The following PSD3 variants were observed in gnomAD, a reference collection of about 807,000 sequenced individuals.
The protein encoded by PSD3 is PH and SEC7 domain-containing protein 3.
A neutral mutation model predicts 105.5 loss-of-function variants in PSD3; 49 were observed. The observed-to-expected ratio is 0.46, with a 90% confidence interval of 0.37 to 0.59. The LOEUF is 0.59. Among genes scored for constraint, PSD3 ranks in the 20% least tolerant of loss-of-function variants. The pLI, the probability that PSD3 is intolerant of heterozygous loss-of-function variation, is 0.00. For missense variants in PSD3, 1,561 were observed against 1,263.8 expected, an observed-to-expected ratio of 1.24 and a Z score of -3.57; for synonymous variants, 557 against 457.8, an observed-to-expected ratio of 1.22 and a Z score of -2.77.
At chr8:18,614,407 G>A (rs1034967364) in intron 11 of PSD3, among the ~76,000 whole-genome samples, 11 of 128,758 alleles carry the variant, frequency 8.5e-5, no homozygotes, top group African/African-American at 1.5e-4. Flanking sequence ...AAATATTACC[G>A]GGAATTTTTT....
intron 1 of PSD3, among the ~76,000 whole-genome samples, chr8:19,032,255 C>T (rs1203313409): frequency 9.0e-6 from 1 of 110,694 alleles, no homozygotes; most frequent in African/African-American, 3.1e-5. Context: ...ACTTGCACTA[C>T]CCCCCAACAA....
chr8:18,621,243 A>G (rs1806089042), intron 11 of PSD3, among the ~76,000 whole-genome samples: 3 of 152,138 alleles, frequency 2.0e-5, no homozygotes, highest in Non-Finnish European at 2.9e-5. Context: ...CCGCTTCTCT[A>G]CTAAAAACAC....
intron 12 of PSD3, among the ~76,000 whole-genome samples, chr8:18,578,911 G>A (rs897280437): frequency 3.3e-5 from 5 of 151,948 alleles, no homozygotes; most frequent in Admixed American, 6.6e-5. Flanking sequence ...CACTATATAC[G>A]GCATCAGTGG....
intron 2 of PSD3, among the ~76,000 whole-genome samples, chr8:18,894,766 G>A (rs1274330107): frequency 2.6e-5 from 4 of 152,174 alleles, no homozygotes; most frequent in Admixed American, 6.5e-5. Context: ...TGATAATAAC[G>A]TAATGAGAAA....
At position 18,916,287 on chromosome 8, in the gene PSD3, T is replaced by A. The variant is rs568650484; in HGVS notation, c.130+19747A>T. Among the ~76,000 whole-genome samples, 438 of 120,434 alleles carry A rather than the reference T, an allele frequency of 3.6e-3. 7 individuals are homozygous for A. Among genetic ancestry groups the A allele is most frequent in the South Asian group, 0.015 (55 of 3,624 alleles). The allele number at this position is 120,434 out of a possible 152,430, so 79.0% of individuals were successfully genotyped here. ...GTGTCTATGGATTGCTGAATGGATT[T>A]AAAAAAAGTGATATATATATATATA... On this transcript the variant is annotated intron_variant, in intron 2 of 15. Transcript: ENST00000327040.
chr8:18,555,782 G>A (rs182048335), intron 15 of PSD3, among the ~76,000 whole-genome samples: 4 of 152,236 alleles, frequency 2.6e-5, no homozygotes, highest in Admixed American at 1.3e-4. Context: ...TAGTGTTGCC[G>A]AACAGCAAGA....
At chr8:18,548,383 GTTAC>G (rs1800572785) in intron 15 of PSD3, among the ~76,000 whole-genome samples, 1 of 152,122 alleles carries the variant, frequency 6.6e-6, no homozygotes, top group South Asian at 2.1e-4. Flanking sequence ...ACAGGATTGT[GTTAC>G]TTAACGTCTT....
intron 9 of PSD3, among the ~76,000 whole-genome samples, chr8:18,735,994 C>G (rs1234870926): frequency 6.6e-6 from 1 of 152,132 alleles, no homozygotes; most frequent in African/African-American, 2.4e-5. Context: ...ATATATCTAA[C>G]TACAAAAAAC....
intron 12 of PSD3, among the ~76,000 whole-genome samples, chr8:18,586,302 A>T (rs1335361952): frequency 6.6e-6 from 1 of 152,136 alleles, no homozygotes; most frequent in Non-Finnish European, 1.5e-5. Flanking sequence ...AGCTGTGCCT[A>T]GTTTTCCTTC....
chr8:18,935,003 C>A (rs1165023017), intron 2 of PSD3, among the ~76,000 whole-genome samples: 1 of 152,204 alleles, frequency 6.6e-6, no homozygotes, highest in Non-Finnish European at 1.5e-5. Context: ...TTGCCTTATA[C>A]TCCTGGCTCT....
chr8:18,884,535 C>T (rs1818327290), intron 2 of PSD3, among the ~76,000 whole-genome samples: 1 of 151,996 alleles, frequency 6.6e-6, no homozygotes, highest in Non-Finnish European at 1.5e-5. Context: ...TTGAAGAAAA[C>T]TACGGTATGT....
intron 1 of PSD3, among the ~76,000 whole-genome samples, chr8:18,975,724 T>C (rs1401213719): frequency 6.6e-6 from 1 of 152,114 alleles, no homozygotes; most frequent in Non-Finnish European, 1.5e-5. Context: ...AAATTGCACA[T>C]ATAGTCAAAA....
At chr8:18,598,484 G>C (rs1804201191) in intron 12 of PSD3, among the ~76,000 whole-genome samples, 1 of 151,730 alleles carries the variant, frequency 6.6e-6, no homozygotes, top group South Asian at 2.1e-4. Flanking sequence ...GGGATGTAAA[G>C]GTGGTTCAAC....
intron 9 of PSD3, among the ~76,000 whole-genome samples, chr8:18,748,432 G>C (rs1021108354): frequency 6.6e-6 from 1 of 151,954 alleles, no homozygotes; most frequent in Non-Finnish European, 1.5e-5. Flanking sequence ...AGGCCAAGGC[G>C]GGCGGATCAC....
intron 1 of PSD3, among the ~76,000 whole-genome samples, chr8:18,939,624 T>A (rs1325485017): frequency 6.6e-6 from 1 of 152,018 alleles, no homozygotes; most frequent in African/African-American, 2.4e-5. Flanking sequence ...TTGGGATACA[T>A]ATATTATCAT....
At chr8:19,038,424 T>C (rs966144390) in intron 1 of PSD3, among the ~76,000 whole-genome samples, 7 of 152,202 alleles carry the variant, frequency 4.6e-5, no homozygotes, top group Non-Finnish European at 8.8e-5. Context: ...GTCTTACCTT[T>C]CTATTCCCCC....
chr8:18,994,477 T>C (rs1042898477), intron 1 of PSD3, among the ~76,000 whole-genome samples: 1 of 152,072 alleles, frequency 6.6e-6, no homozygotes. Context: ...ACTGTGCTTG[T>C]CATACCTGCA....
At chr8:19,006,692 T>C (rs1011361414) in intron 1 of PSD3, among the ~76,000 whole-genome samples, 13 of 152,074 alleles carry the variant, frequency 8.5e-5, no homozygotes, top group Non-Finnish European at 1.8e-4. Flanking sequence ...AGAATGTTCC[T>C]TATTTCTAAC....
chr8:18,707,472 A>T (rs1367374365), intron 9 of PSD3, among the ~76,000 whole-genome samples: 1 of 152,230 alleles, frequency 6.6e-6, no homozygotes, highest in Admixed American at 6.5e-5. Flanking sequence ...ATTGGGATTT[A>T]CAGTTGACAG....
Sources: gnomAD v4.1 joint callset for allele counts (sites outside exome capture counted in the v4.1 genomes callset) on GRCh38, gnomAD v4.1.1 for gene constraint, MANE v1.5 for transcripts, NCBI Gene and HGNC (gene_info 2026-07-23, HGNC 2026-07-21) for gene names.